Variants in ZNF148 observed in about 807,000 individuals in gnomAD.
ZNF148 encodes zinc finger protein 148.
Under a neutral mutation model 67.7 loss-of-function variants are expected in ZNF148, and 7 were observed. The ratio of observed to expected loss-of-function variants is 0.10; its 90% CI spans 0.06 to 0.19. The LOEUF is 0.19. ZNF148 is among the 10% of genes least tolerant of loss of function. The pLI, the probability that ZNF148 is intolerant of heterozygous loss-of-function variation, is 1.00. For synonymous variants in ZNF148, 333 were observed against 330.7 expected (o/e 1.01, Z -0.08); for missense variants, 583 against 947.1 (o/e 0.62, Z 5.05).
At chr3:125,234,096 T>C in intron 8 of ZNF148, 115 bp downstream of exon 8, 2 of 1,235,100 alleles carry the variant, frequency 1.6e-6, no homozygotes, top group Middle Eastern at 2.8e-4. Flanking sequence ...ATAAATCTAA[T>C]CTGTAAGAGT....
chr3:125,310,282 G>T (rs1940130054), intron 4 of ZNF148, among the ~76,000 whole-genome samples: 1 of 151,892 alleles, frequency 6.6e-6, no homozygotes, highest in Admixed American at 6.5e-5. Context: ...GTTTTGTCAT[G>T]TTGCCCAAGC....
At chr3:125,254,278 C>T (rs1321908364) in intron 7 of ZNF148, among the ~76,000 whole-genome samples, 2 of 152,072 alleles carry the variant, frequency 1.3e-5, no homozygotes, top group Non-Finnish European at 2.9e-5. Flanking sequence ...CTGAGGTTTG[C>T]TTTATGGCCA....
At chr3:125,306,681 C>T (rs952334374) in intron 4 of ZNF148, among the ~76,000 whole-genome samples, 1 of 151,918 alleles carries the variant, frequency 6.6e-6, no homozygotes, top group African/African-American at 2.4e-5. Flanking sequence ...CATAGTGAGA[C>T]CCTGTCTCTA....
intron 7 of ZNF148, among the ~76,000 whole-genome samples, chr3:125,270,700 A>G (rs1376556357): frequency 6.6e-6 from 1 of 152,136 alleles, no homozygotes; most frequent in Admixed American, 6.6e-5. Flanking sequence ...AATAAGAAAA[A>G]TAAGAAACTA....
intron 3 of ZNF148, 73 bp downstream of exon 3, chr3:125,323,236 A>G: frequency 2.2e-6 from 1 of 460,358 alleles, no homozygotes; most frequent in Non-Finnish European, 3.8e-6. Flanking sequence ...AAATTCTAGC[A>G]GCTGAACACA....
chr3:125,257,314 G>A (rs1395160332), intron 7 of ZNF148, among the ~76,000 whole-genome samples: 2 of 152,068 alleles, frequency 1.3e-5, no homozygotes, highest in Admixed American at 1.3e-4. Flanking sequence ...CACTTTGGGA[G>A]GCCAAGGTGG....
At chr3:125,306,233 T>G (rs538780706) in intron 4 of ZNF148, among the ~76,000 whole-genome samples, 2 of 152,224 alleles carry the variant, frequency 1.3e-5, no homozygotes, top group South Asian at 4.1e-4. Context: ...CACCAAACTT[T>G]CTACTTTAAA....
intron 5 of ZNF148, among the ~76,000 whole-genome samples, chr3:125,279,784 T>C (rs930045228): frequency 6.6e-5 from 10 of 151,644 alleles, no homozygotes; most frequent in African/African-American, 2.2e-4. Context: ...ACCCAGTGTA[T>C]AGTTTTGCTA....
At chr3:125,311,671 T>TA (rs1326416879) in intron 4 of ZNF148, among the ~76,000 whole-genome samples, 1 of 151,886 alleles carries the variant, frequency 6.6e-6, no homozygotes, top group African/African-American at 2.4e-5. Context: ...AGGGAATTGT[T>TA]AAGACAGTAA....
At chr3:125,236,897 T>G (rs951937707) in intron 7 of ZNF148, among the ~76,000 whole-genome samples, 1 of 152,164 alleles carries the variant, frequency 6.6e-6, no homozygotes, top group Non-Finnish European at 1.5e-5. Flanking sequence ...TCCAGACCAA[T>G]TCACTCATTT....
At chr3:125,336,517 A>T (rs1355421065) in intron 1 of ZNF148, among the ~76,000 whole-genome samples, 1 of 152,074 alleles carries the variant, frequency 6.6e-6, no homozygotes, top group Non-Finnish European at 1.5e-5. Flanking sequence ...AACTGCTTTC[A>T]AATTTAAATT....
intron 4 of ZNF148, among the ~76,000 whole-genome samples, chr3:125,304,554 T>A (rs1233817628): frequency 1.3e-5 from 2 of 151,980 alleles, no homozygotes; most frequent in Non-Finnish European, 2.9e-5. Flanking sequence ...GTTAGGATAA[T>A]AAGAAAATAA....
At chr3:125,254,480 A>G (rs1377695651) in intron 7 of ZNF148, among the ~76,000 whole-genome samples, 1 of 152,226 alleles carries the variant, frequency 6.6e-6, no homozygotes, top group Non-Finnish European at 1.5e-5. Flanking sequence ...ACATTATCAT[A>G]GGTAACCACT....
chr3:125,299,017 T>A (rs1209931595), intron 4 of ZNF148, among the ~76,000 whole-genome samples: 1 of 152,204 alleles, frequency 6.6e-6, no homozygotes, highest in Non-Finnish European at 1.5e-5. Context: ...CAGAAAGGTA[T>A]CAATATTAGT....
intron 1 of ZNF148, among the ~76,000 whole-genome samples, chr3:125,362,532 A>G (rs888708183): frequency 2.6e-5 from 4 of 150,964 alleles, no homozygotes; most frequent in Non-Finnish European, 4.4e-5. Flanking sequence ...CCCCCACCAA[A>G]GTCCTTACCC....
At chr3:125,273,012 G>C (rs1027132245) in intron 7 of ZNF148, among the ~76,000 whole-genome samples, 1 of 152,188 alleles carries the variant, frequency 6.6e-6, no homozygotes, top group African/African-American at 2.4e-5. Flanking sequence ...TAAACTCTAA[G>C]TAGGTCTTTA....
At chr3:125,351,583 A>T (rs1942155592) in intron 1 of ZNF148, among the ~76,000 whole-genome samples, 1 of 152,116 alleles carries the variant, frequency 6.6e-6, no homozygotes. Context: ...TTTAACTGTT[A>T]TGCTTCAAAA....
chr3:125,287,619 C>T (rs1338838592), intron 5 of ZNF148, among the ~76,000 whole-genome samples: 1 of 152,142 alleles, frequency 6.6e-6, no homozygotes, highest in East Asian at 1.9e-4. Context: ...GCCTGGGTTA[C>T]TTGTTTATTT....
chr3:125,258,422 CAAA>C (rs34739205), intron 7 of ZNF148, among the ~76,000 whole-genome samples: 8 of 56,292 alleles, frequency 1.4e-4, no homozygotes, highest in African/African-American at 5.5e-4. Flanking sequence ...GACTCCATCT[CAAA>C]AAAAAAAAAA....
Sources: gnomAD v4.1 joint callset for allele counts (sites outside exome capture counted in the v4.1 genomes callset) on GRCh38, gnomAD v4.1.1 for gene constraint, MANE v1.5 for transcripts, NCBI Gene and HGNC (gene_info 2026-07-23, HGNC 2026-07-21) for gene names.